The following SOHLH2 variants were observed in gnomAD, a reference collection of about 807,000 sequenced individuals.
SOHLH2 encodes spermatogenesis- and oogenesis-specific basic helix-loop-helix-containing protein 2.
Under a neutral mutation model 50.4 loss-of-function variants are expected in SOHLH2, and 22 were observed. The ratio of observed to expected loss-of-function variants is 0.44; its 90% CI spans 0.31 to 0.62. SOHLH2 has a LOEUF of 0.62. Ranked by LOEUF, SOHLH2 falls within the 20% of genes least tolerant of loss-of-function variation. SOHLH2 has a pLI of 0.08. For missense variants in SOHLH2, 412 were observed against 504.4 expected (o/e 0.82, Z 1.76); for synonymous variants, 185 against 187.3 (o/e 0.99, Z 0.10).
chr13:36,196,640 A>G (rs1368816819), intron 2 of SOHLH2, among the ~76,000 whole-genome samples: 1 of 152,240 alleles, frequency 6.6e-6, no homozygotes. Context: ...GATTTTTTAA[A>G]AACAGGTTGT....
At chr13:36,172,285 G>A (rs1339122729) in intron 9 of SOHLH2, among the ~76,000 whole-genome samples, 1 of 152,232 alleles carries the variant, frequency 6.6e-6, no homozygotes, top group Non-Finnish European at 1.5e-5. Context: ...GCATATGCCT[G>A]TGGCCTGATC....
At chr13:36,184,459 C>CTTTTT (rs764218457) in intron 6 of SOHLH2, among the ~76,000 whole-genome samples, 7 of 81,688 alleles carry the variant, frequency 8.6e-5, no homozygotes, top group African/African-American at 2.5e-4. Flanking sequence ...CCTACAAAGA[C>CTTTTT]CTTTTTTTTT....
At chr13:36,184,907 C>T (rs534533761) in intron 6 of SOHLH2, among the ~76,000 whole-genome samples, 1 of 152,146 alleles carries the variant, frequency 6.6e-6, no homozygotes, top group Admixed American at 6.5e-5. Context: ...TGTCCTAATG[C>T]TCTCCCTCCC....
chr13:36,171,645 G>A (rs1326087084), intron 9 of SOHLH2, among the ~76,000 whole-genome samples: 1 of 152,080 alleles, frequency 6.6e-6, no homozygotes, highest in African/African-American at 2.4e-5. Context: ...TACTCTTCCA[G>A]GAATCCAGTC....
chr13:36,173,750 C>G lies in SOHLH2; in HGVS notation c.942G>C (p.Thr314=). The change falls in exon 9 of 11, where the codon ACG becomes ACC. Residue 314 remains threonine, a synonymous_variant. Transcript: ENST00000379881. ...CAGGAGTGGAGCACCCATTCCAGCA[C>G]GTATTAGTCAGGAATTGGAGCCCTC... ...PERGLQFLTN[T]CWNGCSTPDA... The G allele has an allele frequency of 1.2e-6, 2 of 1,613,964 alleles. No homozygotes were observed. The highest frequency in any genetic ancestry group is 1.7e-6 in the Non-Finnish European group (2 of 1,180,020).
At chr13:36,206,239 C>T (rs562067063) in intron 1 of SOHLH2, among the ~76,000 whole-genome samples, 9 of 151,862 alleles carry the variant, frequency 5.9e-5, no homozygotes, top group Admixed American at 1.3e-4. Flanking sequence ...GATTATCAGA[C>T]GGTATAATTA....
rs577387343 is a variant in SOHLH2, at chr13:36,175,585, C to G, written c.642-716G>C. Among the ~76,000 whole-genome samples, 5 of 152,186 alleles carry G rather than the reference C, an allele frequency of 3.3e-5. No individual in the cohort carries two copies. In the East Asian group the frequency reaches 9.6e-4, roughly 29 times the overall value. On this transcript the variant is annotated intron_variant, in intron 6 of 10. Transcript: ENST00000379881. ...ATCCATGTGTTCCTTTAATAAACAT[C>G]TTTAAGCACCTGTTTTGTGCTGAAT...
intron 1 of SOHLH2, among the ~76,000 whole-genome samples, chr13:36,208,678 G>A (rs1052927071): frequency 2.6e-5 from 4 of 151,962 alleles, no homozygotes; most frequent in African/African-American, 9.7e-5. Context: ...GAGTCTCACA[G>A]TTTCTTGTAT....
chr13:36,174,465 C>CCTT lies in SOHLH2; in HGVS notation c.881+8_881+10dup, dbSNP rs1887048189. On this transcript the variant is annotated intron_variant, in intron 8 of 10. Transcript: ENST00000379881. Reference sequence around the variant, plus strand: ...TAGCAGACTTCAGATTCGCAAAAGCCCTTATCATACCGCTGTGCCATGACA... The same window carrying CCTT: ...TAGCAGACTTCAGATTCGCAAAAGCCCTTCTTATCATACCGCTGTGCCATGACA... 2 of 1,612,126 alleles carry CCTT rather than the reference C, an allele frequency of 1.2e-6. No individual in the cohort carries two copies. Among genetic ancestry groups the CCTT allele is most frequent in the Non-Finnish European group, 1.7e-6 (2 of 1,179,618 alleles).
chr13:36,178,344 G>A (rs982435761), intron 6 of SOHLH2, among the ~76,000 whole-genome samples: 19 of 152,034 alleles, frequency 1.2e-4, no homozygotes, highest in African/African-American at 4.6e-4. Flanking sequence ...CTTTCCAGAT[G>A]GATATCTAGT....
At chr13:36,197,597 T>C (rs1887771485) in intron 2 of SOHLH2, among the ~76,000 whole-genome samples, 1 of 152,214 alleles carries the variant, frequency 6.6e-6, no homozygotes. Flanking sequence ...AAAGCCAGTA[T>C]CATCTTTGGG....
intron 1 of SOHLH2, among the ~76,000 whole-genome samples, chr13:36,205,530 TG>T: frequency 6.6e-6 from 1 of 152,244 alleles, no homozygotes; most frequent in Admixed American, 6.5e-5. Context: ...TTCTTTGATC[TG>T]TTAGGCAGTG....
chr13:36,194,506 G>C (rs1022467325), intron 2 of SOHLH2, among the ~76,000 whole-genome samples: 7 of 152,160 alleles, frequency 4.6e-5, no homozygotes, highest in Non-Finnish European at 2.9e-5. Flanking sequence ...GCAGGGGTGG[G>C]AAGGTAGGGA....
intron 6 of SOHLH2, among the ~76,000 whole-genome samples, chr13:36,180,330 G>A (rs192494630): frequency 7.2e-5 from 11 of 152,060 alleles, no homozygotes; most frequent in Non-Finnish European, 1.5e-5. Context: ...GTTTTACTTT[G>A]TCTTGCTTCC....
chr13:36,170,454 C>A lies in SOHLH2; in HGVS notation c.1257+77G>T. On this transcript the variant is annotated intron_variant, in intron 10 of 10. Coordinates refer to ENST00000379881, the MANE Select transcript of SOHLH2 (RefSeq NM_017826.3). ...CCCAGCCTTCCAACCAGAGTAGCAA[C>A]AACAAATGCAGGTCAGGGGTTTCTG... 2.0e-6 allele frequency: 3 copies of A among 1,521,692 alleles called. No homozygotes were observed. The Admixed American group carries it at 6.3e-5, about 32-fold the overall frequency. 94.3% of individuals were successfully genotyped at this position (1,521,692 alleles called of 1,614,324 possible). A position where few individuals can be genotyped will look rare whatever the true frequency, so the allele number is the denominator to read the frequency against.
intron 9 of SOHLH2, among the ~76,000 whole-genome samples, chr13:36,172,087 G>A (rs9546583): frequency 0.15 from 23,499 of 152,092 alleles, 2,204 homozygotes; most frequent in East Asian, 0.42. Context: ...AGGCCTCCTA[G>A]GGTTTGAACC....
At chr13:36,169,848 G>A (rs1303393084) in intron 10 of SOHLH2, among the ~76,000 whole-genome samples, 3 of 152,148 alleles carry the variant, frequency 2.0e-5, no homozygotes, top group Non-Finnish European at 4.4e-5. Flanking sequence ...CCAGGGGTGA[G>A]CAGTCACTAA....
chr13:36,182,369 TCTC>T, intron 6 of SOHLH2: 1 of 829,382 alleles, frequency 1.2e-6, no homozygotes, highest in African/African-American at 1.8e-5. Context: ...GTCCATTTCC[TCTC>T]CTCTTGAATC....
intron 2 of SOHLH2, among the ~76,000 whole-genome samples, chr13:36,198,186 G>A (rs1245991116): frequency 2.6e-5 from 4 of 152,194 alleles, no homozygotes; most frequent in South Asian, 2.1e-4. Flanking sequence ...CACATCCTGC[G>A]TTCCTTTTCT....
Sources: allele counts gnomAD v4.1 joint callset (sites outside exome capture counted in the v4.1 genomes callset), GRCh38; gene constraint gnomAD v4.1.1; transcripts MANE v1.5; gene names NCBI Gene and HGNC (gene_info 2026-07-23, HGNC 2026-07-21).